Variants in YWHAZ observed in about 807,000 individuals in gnomAD.
YWHAZ encodes tyrosine 3-monooxygenase/tryptophan 5-monooxygenase activation protein zeta.
For missense variants in YWHAZ, 79 were observed against 284.8 expected, an observed-to-expected ratio of 0.28 and a Z score of 5.20; for synonymous variants, 87 against 103.6, an observed-to-expected ratio of 0.84 and a Z score of 0.97.
Position 100,917,981 on chromosome 8 carries a change from T to C in YWHAZ, c.*2712A>G, listed in dbSNP as rs1812772583. The C allele has an allele frequency of 6.6e-6, 1 of 152,186 alleles. No individual in the cohort carries two copies. Among genetic ancestry groups the C allele is most frequent in the African/African-American group, 2.4e-5 (1 of 41,446 alleles). The allele number at this position is 152,186 out of a possible 1,614,324, so 9.4% of individuals were successfully genotyped here. On this transcript the variant is annotated 3_prime_UTR_variant, in exon 6 of 6. Transcript: ENST00000395958. ...TGTTTTCATTATTCCAGGATCAACC[T>C]AGTTCAGATGACTGATGCACATTAA...
intron 2 of YWHAZ, among the ~76,000 whole-genome samples, chr8:100,930,938 A>G (rs935625134): frequency 2.0e-5 from 3 of 152,224 alleles, no homozygotes; most frequent in African/African-American, 7.2e-5. Context: ...AGAAGCCGGT[A>G]TCTAATACTC....
upstream of YWHAZ, chr8:100,953,075 C>T (rs1443267980): frequency 4.0e-6 from 4 of 995,244 alleles, no homozygotes; most frequent in African/African-American, 7.0e-5. Context: ...GAGGCGCGGC[C>T]GCTTTAGGGA....
chr8:100,939,431 G>A (rs538281840), intron 2 of YWHAZ, among the ~76,000 whole-genome samples: 7 of 150,976 alleles, frequency 4.6e-5, no homozygotes, highest in South Asian at 4.2e-4. Flanking sequence ...AGGCCGAGGC[G>A]GGTGGATCAT....
intron 2 of YWHAZ, among the ~76,000 whole-genome samples, chr8:100,925,465 A>AG (rs768165882): frequency 2.0e-4 from 30 of 152,246 alleles, no homozygotes; most frequent in Non-Finnish European, 4.1e-4. Context: ...AAATGACTAA[A>AG]GCAGAAACCA....
intron 2 of YWHAZ, among the ~76,000 whole-genome samples, chr8:100,928,676 T>C (rs1022236004): frequency 2.0e-5 from 3 of 151,130 alleles, no homozygotes; most frequent in African/African-American, 7.3e-5. Flanking sequence ...GAGGTTGCAG[T>C]GAGCTGAGAT....
chr8:100,927,839 C>T (rs1474121611), intron 2 of YWHAZ, among the ~76,000 whole-genome samples: 1 of 152,152 alleles, frequency 6.6e-6, no homozygotes, highest in Admixed American at 6.5e-5. Context: ...ACTGAATTAA[C>T]CATAAAACAA....
chr8:100,948,913 A>G lies in YWHAZ; in HGVS notation c.-11-13T>C, dbSNP rs1266135753. On this transcript the variant is annotated splice_polypyrimidine_tract_variant and intron_variant, in intron 1 of 5. Coordinates refer to ENST00000395958, the MANE Select transcript of YWHAZ (RefSeq NM_145690.3). This position sits in a 1 kb window ranked among gnomAD's most constrained non-coding sequence, Gnocchi z 4.2. ...ATGACTGGATGTTCTGCAGGGGGGA[A>G]AAAAGGAGTATTTAAAATTTTTCCC... The G allele has an allele frequency of 6.4e-7, 1 of 1,552,966 alleles. No individual in the cohort carries two copies. Among genetic ancestry groups the G allele is most frequent in the South Asian group, 1.2e-5 (1 of 84,784 alleles).
chr8:100,935,844 C>A (rs1814110499), intron 2 of YWHAZ, among the ~76,000 whole-genome samples: 1 of 152,210 alleles, frequency 6.6e-6, no homozygotes, highest in South Asian at 2.1e-4. Context: ...TGTTTCACTA[C>A]AGCATTAATT....
In YWHAZ at chr8:100,947,944, G is replaced by A; in HGVS notation, c.294+652C>T. The A allele has an allele frequency of 5.3e-6, 3 of 562,502 alleles. No individual in the cohort carries two copies. In the East Asian group the frequency reaches 9.2e-5, roughly 17 times the overall value. 34.8% of individuals were successfully genotyped at this position (562,502 alleles called of 1,614,324 possible). On this transcript the variant is annotated intron_variant, in intron 2 of 5. Transcript: ENST00000395958. Reference sequence around the variant, plus strand: ...ATGACAGATTAAAATTAACCAAAATGTAGTTTAATTCTTTTAAGCGCAGTG... The same window carrying A: ...ATGACAGATTAAAATTAACCAAAATATAGTTTAATTCTTTTAAGCGCAGTG...
At chr8:100,944,200 G>A (rs1212042085) in intron 2 of YWHAZ, among the ~76,000 whole-genome samples, 1 of 152,056 alleles carries the variant, frequency 6.6e-6, no homozygotes, top group East Asian at 1.9e-4. Flanking sequence ...GAGCTGTCTA[G>A]TGATTTTCAT....
chr8:100,935,705 CA>C (rs1255753839), intron 2 of YWHAZ, among the ~76,000 whole-genome samples: 1 of 152,106 alleles, frequency 6.6e-6, no homozygotes, highest in African/African-American at 2.4e-5. Context: ...TGTGAGGTTG[CA>C]AGGCAGAGTA....
At chr8:100,932,561 T>C (rs139666074) in intron 2 of YWHAZ, among the ~76,000 whole-genome samples, 138 of 152,322 alleles carry the variant, frequency 9.1e-4, no homozygotes, top group Middle Eastern at 3.4e-3. Context: ...TTTTCCAAAG[T>C]TCTCATTTTT....
At chr8:100,939,320 G>A (rs530113168) in intron 2 of YWHAZ, among the ~76,000 whole-genome samples, 2 of 152,020 alleles carry the variant, frequency 1.3e-5, no homozygotes, top group South Asian at 2.1e-4. Flanking sequence ...GTCTCCCTCC[G>A]AATCATGAAT....
chr8:100,945,758 G>A (rs952004416), intron 2 of YWHAZ, among the ~76,000 whole-genome samples: 4 of 152,016 alleles, frequency 2.6e-5, no homozygotes, highest in African/African-American at 9.7e-5. Flanking sequence ...AAGATGGTAG[G>A]AAAAAGAAGC....
chr8:100,945,682 T>C (rs1043399181), intron 2 of YWHAZ, among the ~76,000 whole-genome samples: 2 of 152,138 alleles, frequency 1.3e-5, no homozygotes, highest in African/African-American at 4.8e-5. Flanking sequence ...TATTCTTCCA[T>C]CTCACAGAAA....
At chr8:100,943,518 T>C (rs1243687180) in intron 2 of YWHAZ, among the ~76,000 whole-genome samples, 1 of 152,228 alleles carries the variant, frequency 6.6e-6, no homozygotes. Flanking sequence ...TTCAGTATTA[T>C]AAAGACAGAG....
rs1223254626 is a variant in YWHAZ, at chr8:100,922,642, C to T, written c.678+1313G>A. ...CTGGTGATCCGCCCGCCTCGGCCTC[C>T]CAAAGTGCTGGGATTACAGGCGTGA... is the stretch of plus-strand genomic sequence containing the variant. On this transcript the variant is annotated intron_variant, in intron 5 of 5. Transcript: ENST00000395958. This position sits in a 1 kb window ranked among gnomAD's most constrained non-coding sequence, Gnocchi z 4.1. The T allele has an allele frequency of 3.9e-5, 6 of 152,338 alleles. No homozygotes were observed. The highest frequency in any genetic ancestry group is 3.9e-4 in the Admixed American group (6 of 15,282). The allele number at this position is 152,338 out of a possible 1,614,324, so 9.4% of individuals were successfully genotyped here.
At position 100,924,086 on chromosome 8, in the gene YWHAZ, T is replaced by C. The variant is rs1229880264; in HGVS notation, c.583-36A>G. On this transcript the variant is annotated intron_variant, in intron 4 of 5. Transcript: ENST00000395958. The surrounding 1 kb of genome is among the most constrained non-coding windows in gnomAD (Gnocchi z 5.7). ...AAAATAGTACATTACATTTCAGTGC[T>C]CAAATAATAAAGACTGCTAAATTTC... is the stretch of plus-strand genomic sequence containing the variant. 6.2e-7 allele frequency: 1 copy of C among 1,607,684 alleles called. No homozygotes were observed. The highest frequency in any genetic ancestry group is 1.3e-5 in the African/African-American group (1 of 74,426).
chr8:100,951,553 A>C (rs577220726), intron 1 of YWHAZ: 1 of 984,984 alleles, frequency 1.0e-6, no homozygotes, highest in Non-Finnish European at 1.2e-6. Flanking sequence ...CCGCAGAGAC[A>C]AGGGTGGGGA....
Sources: gnomAD v4.1 joint callset for allele counts (sites outside exome capture counted in the v4.1 genomes callset) on GRCh38, gnomAD v4.1.1 for gene constraint, Gnocchi (gnomAD v3.1) non-coding constraint, MANE v1.5 for transcripts, NCBI Gene and HGNC (gene_info 2026-07-23, HGNC 2026-07-21) for gene names.